DCC: variants seen among roughly 807,000 people sequenced by gnomAD.
DCC encodes netrin receptor DCC.
DCC carries 58 observed loss-of-function variants against 172.5 expected under a neutral mutation model. The ratio of observed to expected loss-of-function variants is 0.34; its 90% CI spans 0.27 to 0.42. The LOEUF is 0.42. Among genes scored for constraint, DCC ranks in the 10% least tolerant of loss-of-function variants. The pLI, the probability that DCC is intolerant of heterozygous loss-of-function variation, is 1.00. For missense variants in DCC, 1,740 were observed against 1,791.0 expected (o/e 0.97, Z 0.51); for synonymous variants, 709 against 644.5 (o/e 1.10, Z -1.52).
chr18:52,548,589 A>G, intron 1 of DCC, among the ~76,000 whole-genome samples: 1 of 152,164 alleles, frequency 6.6e-6, no homozygotes, highest in East Asian at 1.9e-4. Flanking sequence ...ACTTCTAGAA[A>G]GAGAGAGCAG....
chr18:53,084,418 G>A (rs1023670719), intron 7 of DCC, among the ~76,000 whole-genome samples: 3 of 152,166 alleles, frequency 2.0e-5, no homozygotes, highest in African/African-American at 7.2e-5. Flanking sequence ...GAGTTTTGGA[G>A]GAAATAAATA....
chr18:52,901,600 T>C (rs1186379252), intron 2 of DCC, among the ~76,000 whole-genome samples: 1 of 152,128 alleles, frequency 6.6e-6, no homozygotes, highest in African/African-American at 2.4e-5. Context: ...GCATAAATGA[T>C]AAAACAATCC....
intron 1 of DCC, among the ~76,000 whole-genome samples, chr18:52,379,298 T>C (rs913976970): frequency 6.6e-6 from 1 of 152,026 alleles, no homozygotes; most frequent in African/African-American, 2.4e-5. Context: ...TAGTGAGAAA[T>C]CAAAGTGTAG....
chr18:53,281,682 T>A (rs978403136), intron 12 of DCC, among the ~76,000 whole-genome samples: 4 of 152,106 alleles, frequency 2.6e-5, no homozygotes, highest in Non-Finnish European at 5.9e-5. Flanking sequence ...GCAAGGCAGT[T>A]GCTAAACTGT....
chr18:52,407,016 TCTC>T (rs34223795), intron 1 of DCC, among the ~76,000 whole-genome samples: 48,589 of 151,776 alleles, frequency 0.32, 8,400 homozygotes, highest in Non-Finnish European at 0.4. Flanking sequence ...GTCTCTGACT[TCTC>T]CTACTAGATT....
chr18:52,720,262 A>C (rs1243044400), intron 1 of DCC, among the ~76,000 whole-genome samples: 1 of 152,170 alleles, frequency 6.6e-6, no homozygotes, highest in Non-Finnish European at 1.5e-5. Context: ...GATGAAATAG[A>C]ACTAATTTTC....
At chr18:52,562,606 A>G (rs150969500) in intron 1 of DCC, among the ~76,000 whole-genome samples, 21 of 152,240 alleles carry the variant, frequency 1.4e-4, no homozygotes, top group African/African-American at 4.3e-4. Flanking sequence ...GAACAAAATA[A>G]CAATATTCAG....
chr18:53,125,098 A>G (rs970172081), intron 7 of DCC, among the ~76,000 whole-genome samples: 1 of 152,106 alleles, frequency 6.6e-6, no homozygotes, highest in East Asian at 1.9e-4. Flanking sequence ...TTTGAAACTA[A>G]TGGTAAGTCA....
At chr18:53,245,280 G>T (rs1277852183) in intron 12 of DCC, among the ~76,000 whole-genome samples, 1 of 152,002 alleles carries the variant, frequency 6.6e-6, no homozygotes, top group Non-Finnish European at 1.5e-5. Context: ...AATTTTATTT[G>T]GAATCTAAGT....
At chr18:52,682,630 A>G (rs1282418123) in intron 1 of DCC, among the ~76,000 whole-genome samples, 1 of 152,142 alleles carries the variant, frequency 6.6e-6, no homozygotes, top group African/African-American at 2.4e-5. Context: ...TGGGATAAAG[A>G]AGTGAACAAA....
intron 15 of DCC, among the ~76,000 whole-genome samples, chr18:53,384,980 TG>T (rs1216061579): frequency 6.6e-6 from 1 of 151,126 alleles, no homozygotes; most frequent in Non-Finnish European, 1.5e-5. Flanking sequence ...CCCGAGTAGC[TG>T]GGACTCGGGC....
At chr18:52,598,383 A>AG (rs921463748) in intron 1 of DCC, among the ~76,000 whole-genome samples, 1 of 152,216 alleles carries the variant, frequency 6.6e-6, no homozygotes, top group African/African-American at 2.4e-5. Context: ...GTCTCAAAAA[A>AG]GGAATGAGGT....
intron 21 of DCC, among the ~76,000 whole-genome samples, chr18:53,419,523 T>C (rs62098262): frequency 0.43 from 65,112 of 151,500 alleles, 15,723 homozygotes; most frequent in Non-Finnish European, 0.55. Flanking sequence ...GATTTTTGTT[T>C]TGACTTTTGA....
At chr18:52,402,402 A>T (rs1200417118) in intron 1 of DCC, among the ~76,000 whole-genome samples, 1 of 151,996 alleles carries the variant, frequency 6.6e-6, no homozygotes, top group Non-Finnish European at 1.5e-5. Context: ...GAAGTCCACT[A>T]TAACAGTTCA....
At chr18:53,250,771 ACT>A (rs2056421051) in intron 12 of DCC, among the ~76,000 whole-genome samples, 1 of 151,578 alleles carries the variant, frequency 6.6e-6, no homozygotes, top group African/African-American at 2.4e-5. Flanking sequence ...TTAACTGCTT[ACT>A]CTCTGTTCTT....
intron 5 of DCC, among the ~76,000 whole-genome samples, chr18:53,051,116 G>T (rs2042328467): frequency 6.6e-6 from 1 of 152,088 alleles, no homozygotes; most frequent in Admixed American, 6.6e-5. Flanking sequence ...TGTAATCTCA[G>T]CTACTCAGGA....
intron 1 of DCC, among the ~76,000 whole-genome samples, chr18:52,689,972 C>T (rs1444095312): frequency 6.6e-6 from 1 of 152,074 alleles, no homozygotes; most frequent in Non-Finnish European, 1.5e-5. Context: ...GAACAAAAGC[C>T]CTGAGTGGAA....
chr18:52,400,425 A>G (rs539032543), intron 1 of DCC, among the ~76,000 whole-genome samples: 3 of 152,202 alleles, frequency 2.0e-5, no homozygotes, highest in Non-Finnish European at 4.4e-5. Context: ...AATGGCGATT[A>G]TTAAAAAGTC....
chr18:52,457,751 CACATGACTTA>C (rs1240801354), intron 1 of DCC, among the ~76,000 whole-genome samples: 2 of 152,154 alleles, frequency 1.3e-5, no homozygotes, highest in East Asian at 3.9e-4. Flanking sequence ...AATTACAACT[CACATGACTTA>C]TTTCACCAAC....
Sources: allele counts gnomAD v4.1 joint callset (sites outside exome capture counted in the v4.1 genomes callset), GRCh38; gene constraint gnomAD v4.1.1; transcripts MANE v1.5; gene names NCBI Gene and HGNC (gene_info 2026-07-23, HGNC 2026-07-21).